COP1: variants seen among roughly 807,000 people sequenced by gnomAD.
COP1 encodes the protein COP1 E3 ubiquitin ligase.
COP1 carries 24 observed loss-of-function variants against 101.3 expected under a neutral mutation model. The observed-to-expected ratio is 0.24, with a 90% CI of 0.17 to 0.33. The LOEUF (loss-of-function observed/expected upper bound fraction) is 0.33. Ranked by LOEUF, COP1 falls within the 10% of genes least tolerant of loss-of-function variation. The pLI, the probability that COP1 is intolerant of heterozygous loss-of-function variation, is 1.00. For synonymous variants in COP1, 347 were observed against 341.9 expected (o/e 1.01, Z -0.17); for missense variants, 663 against 906.2 (o/e 0.73, Z 3.45).
intron 5 of COP1, among the ~76,000 whole-genome samples, chr1:176,152,274 A>T (rs1310489375): frequency 6.6e-6 from 1 of 152,120 alleles, no homozygotes; most frequent in Non-Finnish European, 1.5e-5. Context: ...AAAAAAAAAA[A>T]ATTATACATA....
chr1:176,116,754 GTA>G, intron 8 of COP1, 73 bp from the exon 9 acceptor site: 2 of 1,087,440 alleles, frequency 1.8e-6, no homozygotes, highest in Non-Finnish European at 2.8e-6. Context: ...TAAATCTAAA[GTA>G]TATCATATAT....
intron 9 of COP1, among the ~76,000 whole-genome samples, chr1:176,087,667 C>T (rs933330472): frequency 6.6e-6 from 1 of 152,186 alleles, no homozygotes; most frequent in Non-Finnish European, 1.5e-5. Context: ...GGAGTATAAA[C>T]TAATTCAACC....
intron 18 of COP1, among the ~76,000 whole-genome samples, chr1:175,971,864 C>T (rs1025858687): frequency 6.6e-6 from 1 of 152,162 alleles, no homozygotes; most frequent in African/African-American, 2.4e-5. Flanking sequence ...TGGATTTAGT[C>T]TCTACATCTT....
intron 11 of COP1, among the ~76,000 whole-genome samples, chr1:176,071,880 G>A (rs1016593519): frequency 1.3e-5 from 2 of 152,142 alleles, no homozygotes; most frequent in South Asian, 2.1e-4. Flanking sequence ...TTCAGCTTAT[G>A]GCTTCACTCT....
At chr1:176,175,205 A>G (rs567529346) in intron 3 of COP1, among the ~76,000 whole-genome samples, 3 of 152,290 alleles carry the variant, frequency 2.0e-5, no homozygotes, top group African/African-American at 7.2e-5. Flanking sequence ...TGAGTTCCCG[A>G]GACCCATGGA....
Position 176,206,828 on chromosome 1 carries a change from C to T in COP1, c.151G>A (p.Gly51Arg), listed in dbSNP as rs760127773. ...AVSAAALVSGGVAQAAGSGGL... is the reference protein window; with the variant it reads ...AVSAAALVSGRVAQAAGSGGL... ...CCCGAGCCGGCGGCCTGGGCCACCC[C>T]GCCGGACACCAGCGCTGCCGCCGAA... is the stretch of plus-strand genomic sequence containing the variant. The change falls in exon 1 of 20, where the codon GGG (glycine) becomes AGG (arginine). Residue 51 changes from glycine to arginine, a missense_variant. Physicochemically the swap from Gly to Arg is moderately radical, Grantham distance 125 (BLOSUM62 -2). Coordinates refer to ENST00000367669, the MANE Select transcript of COP1 (RefSeq NM_022457.7). The T allele has an allele frequency of 3.5e-6, 5 of 1,409,440 alleles. No individual in the cohort carries two copies. Among genetic ancestry groups the T allele is most frequent in the African/African-American group, 1.5e-5 (1 of 66,556 alleles). The allele number at this position is 1,409,440 out of a possible 1,614,324, so 87.3% of individuals were successfully genotyped here. A position where few individuals can be genotyped will look rare whatever the true frequency, so the allele number is the denominator to read the frequency against.
chr1:176,078,637 T>C (rs960242992), intron 11 of COP1, among the ~76,000 whole-genome samples: 2 of 148,820 alleles, frequency 1.3e-5, no homozygotes, highest in Non-Finnish European at 3.0e-5. Flanking sequence ...AAACAAAAAT[T>C]GACAAGTGGG....
chr1:176,090,157 A>G (rs184224997), intron 9 of COP1, among the ~76,000 whole-genome samples: 1 of 152,298 alleles, frequency 6.6e-6, no homozygotes, highest in East Asian at 1.9e-4. Flanking sequence ...CCAAGAGTCA[A>G]TCTAAAAATC....
chr1:176,087,682 T>C (rs1680477099), intron 9 of COP1, among the ~76,000 whole-genome samples: 1 of 152,198 alleles, frequency 6.6e-6, no homozygotes, highest in South Asian at 2.1e-4. Flanking sequence ...TCAACCATTG[T>C]GGAAGACAAT....
chr1:176,062,922 A>G (rs1675146764), intron 11 of COP1, among the ~76,000 whole-genome samples: 1 of 152,234 alleles, frequency 6.6e-6, no homozygotes, highest in South Asian at 2.1e-4. Flanking sequence ...TTCCACTTAT[A>G]AGAAATTTTT....
At chr1:175,988,132 CA>C (rs1403497266) in intron 17 of COP1, among the ~76,000 whole-genome samples, 155 bp downstream of exon 17, 2 of 152,198 alleles carry the variant, frequency 1.3e-5, no homozygotes, top group Non-Finnish European at 2.9e-5. Context: ...TAGTACAACA[CA>C]AGGAAAATCA....
chr1:176,088,482 G>C (rs1015922229), intron 9 of COP1, among the ~76,000 whole-genome samples: 1 of 152,008 alleles, frequency 6.6e-6, no homozygotes, highest in East Asian at 1.9e-4. Flanking sequence ...TGTTCATCTC[G>C]GTATTGTGGG....
chr1:176,010,347 T>A (rs920289101), intron 15 of COP1, among the ~76,000 whole-genome samples: 2 of 152,216 alleles, frequency 1.3e-5, no homozygotes, highest in Non-Finnish European at 2.9e-5. Flanking sequence ...CATCCTATAT[T>A]CAGATATCTC....
At chr1:176,165,526 C>G (rs930605799) in intron 3 of COP1, among the ~76,000 whole-genome samples, 1 of 151,962 alleles carries the variant, frequency 6.6e-6, no homozygotes, top group East Asian at 1.9e-4. Context: ...AAAACCCTGC[C>G]TCTACTAAAA....
intron 18 of COP1, among the ~76,000 whole-genome samples, chr1:175,977,402 A>T (rs898546210): frequency 2.0e-5 from 3 of 152,194 alleles, no homozygotes; most frequent in Admixed American, 6.5e-5. Flanking sequence ...TGGCTTCTTT[A>T]CAGCAATTAT....
At chr1:176,137,760 GT>G (rs1172544923) in intron 6 of COP1, among the ~76,000 whole-genome samples, 2 of 152,046 alleles carry the variant, frequency 1.3e-5, no homozygotes, top group East Asian at 3.9e-4. Flanking sequence ...GGCAAACAGG[GT>G]TTTTTATAGA....
At chr1:176,039,745 T>G (rs1204584953) in intron 14 of COP1, among the ~76,000 whole-genome samples, 1 of 152,130 alleles carries the variant, frequency 6.6e-6, no homozygotes, top group Admixed American at 6.5e-5. Flanking sequence ...AGAGAAAGAC[T>G]AAAGATAAAC....
intron 9 of COP1, among the ~76,000 whole-genome samples, chr1:176,099,852 T>G (rs968735733): frequency 3.9e-5 from 6 of 152,118 alleles, no homozygotes; most frequent in African/African-American, 1.4e-4. Flanking sequence ...CAAGTTTATT[T>G]TGAGACGTTA....
At position 175,973,902 on chromosome 1, in the gene COP1, A is replaced by T. The variant is rs996326424; in HGVS notation, c.2133+13041T>A. ...CTACAGCACAAAGATGAAAACAAGC[A>T]AACAAAAAACCCAGCATTCGGTGTT... On this transcript the variant is annotated intron_variant, in intron 18 of 19. Transcript: ENST00000367669. Among the ~76,000 whole-genome samples, 7 of 152,202 alleles carry T rather than the reference A, an allele frequency of 4.6e-5. No individual in the cohort carries two copies. In the East Asian group the frequency reaches 9.6e-4, roughly 21 times the overall value.
Sources: allele counts gnomAD v4.1 joint callset (sites outside exome capture counted in the v4.1 genomes callset), GRCh38; gene constraint gnomAD v4.1.1; transcripts MANE v1.5; gene names NCBI Gene and HGNC (gene_info 2026-07-23, HGNC 2026-07-21).